The following OTOGL variants were observed in gnomAD, a reference collection of about 807,000 sequenced individuals.
OTOGL encodes otogelin like.
A neutral mutation model predicts 318.5 loss-of-function variants in OTOGL; 285 were observed. The ratio of observed to expected loss-of-function variants is 0.89; its 90% CI spans 0.81 to 0.99. The LOEUF (loss-of-function observed/expected upper bound fraction) is 0.99. OTOGL is among the 50% of genes least tolerant of loss of function. OTOGL has a pLI of 0.00. For missense variants in OTOGL, 2,899 were observed against 2,845.6 expected (o/e 1.02, Z -0.43); for synonymous variants, 987 against 936.5 (o/e 1.05, Z -0.99).
chr12:80,307,379 C>G (rs1269398457), intron 29 of OTOGL, among the ~76,000 whole-genome samples: 1 of 149,418 alleles, frequency 6.7e-6, no homozygotes, highest in Non-Finnish European at 1.5e-5. Flanking sequence ...TCCCAGTAGG[C>G]GCGGCCGGGC....
intron 30 of OTOGL, 45 bp downstream of exon 30, chr12:80,310,772 C>A: frequency 6.9e-7 from 1 of 1,451,638 alleles, no homozygotes; most frequent in Non-Finnish European, 9.5e-7. Flanking sequence ...ATATGTTCTA[C>A]TGTGTCTATA....
intron 52 of OTOGL, among the ~76,000 whole-genome samples, chr12:80,365,639 A>C (rs998144598): frequency 6.6e-6 from 1 of 152,106 alleles, no homozygotes; most frequent in African/African-American, 2.4e-5. Context: ...TCTAACATTT[A>C]TTTCCAGTCC....
At chr12:80,120,446 A>G (rs553626677) in intron 1 of OTOGL, among the ~76,000 whole-genome samples, 29 of 152,270 alleles carry the variant, frequency 1.9e-4, no homozygotes, top group South Asian at 6.2e-4. Flanking sequence ...GCAAGCAGCA[A>G]CACATAAAAG....
chr12:80,268,592 C>T lies in OTOGL; in HGVS notation c.2465+1265C>T, dbSNP rs547199002. The stretch of plus-strand genomic sequence containing the variant: ...CTAGCTCTTGGATCTTTCTGTGGTA[C>T]GCAGTACTATTATTCACACAGTTTC... On this transcript the variant is annotated intron_variant, in intron 22 of 58. Transcript: ENST00000547103. Among the ~76,000 whole-genome samples the T allele has an allele frequency of 4.1e-4, 63 of 152,246 alleles. 1 individual carries two copies. In the South Asian group the frequency reaches 0.012, roughly 30 times the overall value.
chr12:80,144,144 GCGCT>G (rs995816339), intron 1 of OTOGL, among the ~76,000 whole-genome samples: 1 of 151,470 alleles, frequency 6.6e-6, no homozygotes, highest in Non-Finnish European at 1.5e-5. Flanking sequence ...CCACGCTGGT[GCGCT>G]GCACCCACTA....
chr12:80,157,455 CT>C (rs1302817966), intron 1 of OTOGL, among the ~76,000 whole-genome samples: 1 of 152,060 alleles, frequency 6.6e-6, no homozygotes, highest in Non-Finnish European at 1.5e-5. Flanking sequence ...TCCACTTTTG[CT>C]TTGGTCGCCT....
chr12:80,378,240 C>A lies in OTOGL; in HGVS notation c.*192C>A. 1 of 496,304 alleles carries A rather than the reference C, an allele frequency of 2.0e-6. No individual in the cohort carries two copies. Among genetic ancestry groups the A allele is most frequent in the Non-Finnish European group, 3.5e-6 (1 of 283,292 alleles). 30.7% of individuals were successfully genotyped at this position (496,304 alleles called of 1,614,324 possible). On this transcript the variant is annotated 3_prime_UTR_variant, in exon 59 of 59. Coordinates refer to ENST00000547103, the MANE Select transcript of OTOGL (RefSeq NM_001378609.3). ...TAGCAAAATTAAATTTATTGCTTTACTCTATTTTAGAAAATCAAATGACTG... is the reference window on the plus strand; with the variant it reads ...TAGCAAAATTAAATTTATTGCTTTAATCTATTTTAGAAAATCAAATGACTG...
At chr12:80,107,001 A>G (rs1051219071) in intron 1 of OTOGL, among the ~76,000 whole-genome samples, 4 of 152,096 alleles carry the variant, frequency 2.6e-5, no homozygotes, top group African/African-American at 9.7e-5. Context: ...GTGTCTTCTA[A>G]CCATTTATAA....
At position 80,376,585 on chromosome 12, in the gene OTOGL, C is replaced by T. The variant is rs1464780377; in HGVS notation, c.6782-538C>T. On this transcript the variant is annotated intron_variant, in intron 57 of 58. Transcript: ENST00000547103. ...AAAGACCATTTCAGAGCCATAAAAT[C>T]AAGTATGACTCATCCATACACTTCA... Among the ~76,000 whole-genome samples, 7 of 152,158 alleles carry T rather than the reference C, an allele frequency of 4.6e-5. No homozygotes were observed. The East Asian group carries it at 1.4e-3, about 29-fold the overall frequency.
chr12:80,252,474 A>G (rs546967238), intron 13 of OTOGL, among the ~76,000 whole-genome samples: 1 of 152,314 alleles, frequency 6.6e-6, no homozygotes, highest in South Asian at 2.1e-4. Context: ...ATTTAATGGT[A>G]TTTAACAATT....
intron 1 of OTOGL, among the ~76,000 whole-genome samples, chr12:80,200,607 A>C (rs1159673965): frequency 1.3e-5 from 2 of 152,216 alleles, no homozygotes; most frequent in African/African-American, 4.8e-5. Context: ...GGCAATGCTT[A>C]GATTCATCCA....
chr12:80,221,015 A>T (rs1407654245), intron 6 of OTOGL, among the ~76,000 whole-genome samples: 2 of 152,056 alleles, frequency 1.3e-5, no homozygotes, highest in Non-Finnish European at 2.9e-5. Context: ...GTAAAGAGTC[A>T]CCCTTACCTT....
At chr12:80,143,634 G>T (rs1388833341) in intron 1 of OTOGL, among the ~76,000 whole-genome samples, 1 of 152,146 alleles carries the variant, frequency 6.6e-6, no homozygotes, top group Non-Finnish European at 1.5e-5. Context: ...CCAGGCTGTG[G>T]AGTGCTCAAG....
intron 1 of OTOGL, among the ~76,000 whole-genome samples, chr12:80,118,821 G>A (rs1411083427): frequency 6.6e-6 from 1 of 151,368 alleles, no homozygotes; most frequent in Non-Finnish European, 1.5e-5. Flanking sequence ...GACTGAGAGA[G>A]GTCCTAAAAC....
intron 2 of OTOGL, among the ~76,000 whole-genome samples, chr12:80,210,104 A>G (rs1193412314): frequency 6.6e-6 from 1 of 152,108 alleles, no homozygotes; most frequent in Non-Finnish European, 1.5e-5. Flanking sequence ...AAGCTTATAA[A>G]CACACACAAA....
chr12:80,126,721 C>T (rs1252271032), intron 1 of OTOGL, among the ~76,000 whole-genome samples: 1 of 152,140 alleles, frequency 6.6e-6, no homozygotes, highest in East Asian at 1.9e-4. Context: ...AATCTGGGTG[C>T]TCTTGTATTG....
chr12:80,316,995 A>T (rs890086950), intron 32 of OTOGL, among the ~76,000 whole-genome samples: 1 of 152,200 alleles, frequency 6.6e-6, no homozygotes, highest in African/African-American at 2.4e-5. Flanking sequence ...AAGAATTTTA[A>T]AAAGTAGTAG....
chr12:80,242,653 A>AAG (rs1318243985), intron 11 of OTOGL, among the ~76,000 whole-genome samples: 2 of 152,120 alleles, frequency 1.3e-5, no homozygotes, highest in East Asian at 3.9e-4. Context: ...ATTGAATTCA[A>AAG]TTCAACACAC....
At chr12:80,300,203 GT>G (rs113607695) in intron 27 of OTOGL, among the ~76,000 whole-genome samples, 3,625 of 143,182 alleles carry the variant, frequency 0.025, 130 homozygotes, top group African/African-American at 0.076. Context: ...ATGTGTCGTG[GT>G]TTTTTTTTTT....
Sources: allele counts gnomAD v4.1 joint callset (sites outside exome capture counted in the v4.1 genomes callset), GRCh38; gene constraint gnomAD v4.1.1; transcripts MANE v1.5; gene names NCBI Gene and HGNC (gene_info 2026-07-23, HGNC 2026-07-21).